The following ZCCHC7 variants were observed in gnomAD, a reference collection of about 807,000 sequenced individuals.
ZCCHC7 encodes the protein zinc finger CCHC-type containing 7, also known as zinc finger CCHC domain-containing protein 7.
Under a neutral mutation model 52.0 loss-of-function variants are expected in ZCCHC7, and 35 were observed. The ratio of observed to expected loss-of-function variants is 0.67; its 90% CI spans 0.51 to 0.89. The LOEUF is 0.89. Among genes scored for constraint, ZCCHC7 ranks in the 40% least tolerant of loss-of-function variants. ZCCHC7 has a pLI of 0.00. For synonymous variants in ZCCHC7, 217 were observed against 221.5 expected (o/e 0.98, Z 0.18); for missense variants, 574 against 649.1 (o/e 0.88, Z 1.26).
intron 2 of ZCCHC7, among the ~76,000 whole-genome samples, chr9:37,255,902 G>A (rs1315595528): frequency 6.6e-6 from 1 of 152,038 alleles, no homozygotes. Context: ...ATTGTCCTGA[G>A]GTCTTTGCAA....
intron 2 of ZCCHC7, among the ~76,000 whole-genome samples, chr9:37,253,086 T>A (rs1826408536): frequency 6.6e-6 from 1 of 152,064 alleles, no homozygotes; most frequent in African/African-American, 2.4e-5. Context: ...CACAAAAAGT[T>A]AATGAATCTG....
chr9:37,154,711 T>C (rs747405120), intron 2 of ZCCHC7, among the ~76,000 whole-genome samples: 3 of 152,012 alleles, frequency 2.0e-5, no homozygotes, highest in Non-Finnish European at 4.4e-5. Flanking sequence ...CCCAGGCTTG[T>C]CTTGAACTCC....
intron 2 of ZCCHC7, among the ~76,000 whole-genome samples, chr9:37,245,483 ATTG>A (rs1158215003): frequency 4.6e-5 from 7 of 152,032 alleles, no homozygotes; most frequent in Non-Finnish European, 1.0e-4. Context: ...CCAACAAACT[ATTG>A]TTGAGCACCT....
chr9:37,177,288 C>A (rs2133024873), intron 2 of ZCCHC7, among the ~76,000 whole-genome samples: 1 of 152,084 alleles, frequency 6.6e-6, no homozygotes, highest in Non-Finnish European at 1.5e-5. Context: ...TGAGCTGAGA[C>A]CACGCCAGTG....
intron 2 of ZCCHC7, among the ~76,000 whole-genome samples, chr9:37,211,619 G>A (rs1482705260): frequency 6.6e-6 from 1 of 152,068 alleles, no homozygotes; most frequent in Non-Finnish European, 1.5e-5. Flanking sequence ...TGTTAATTAT[G>A]TGATATTATT....
chr9:37,168,206 T>C (rs1821533262), intron 2 of ZCCHC7, among the ~76,000 whole-genome samples: 1 of 152,218 alleles, frequency 6.6e-6, no homozygotes, highest in African/African-American at 2.4e-5. Flanking sequence ...TAGATGTCTT[T>C]CATGGATTAT....
chr9:37,201,416 A>G (rs1823624233), intron 2 of ZCCHC7, among the ~76,000 whole-genome samples: 1 of 152,226 alleles, frequency 6.6e-6, no homozygotes, highest in South Asian at 2.1e-4. Context: ...CCATATCTGA[A>G]GAACAGATCC....
intron 2 of ZCCHC7, among the ~76,000 whole-genome samples, chr9:37,250,123 T>C (rs985928729): frequency 6.6e-6 from 1 of 152,186 alleles, no homozygotes; most frequent in South Asian, 2.1e-4. Flanking sequence ...TTGTGAAGAC[T>C]AAGTGAATTA....
intron 2 of ZCCHC7, among the ~76,000 whole-genome samples, chr9:37,287,165 G>A (rs1828293342): frequency 6.8e-6 from 1 of 148,126 alleles, no homozygotes; most frequent in South Asian, 2.2e-4. Context: ...AAGTAGCTAG[G>A]ACTACAGGCA....
intron 2 of ZCCHC7, among the ~76,000 whole-genome samples, chr9:37,185,983 A>G (rs906618535): frequency 6.6e-6 from 1 of 151,968 alleles, no homozygotes; most frequent in Non-Finnish European, 1.5e-5. Flanking sequence ...AGCATCTTAC[A>G]TTATACAGTA....
intron 2 of ZCCHC7, among the ~76,000 whole-genome samples, chr9:37,128,131 G>T (rs1842619850): frequency 6.6e-6 from 1 of 152,222 alleles, no homozygotes; most frequent in South Asian, 2.1e-4. Flanking sequence ...AAAGAAACTT[G>T]TGAAGGAGAG....
At chr9:37,333,911 T>C (rs375275414) in intron 6 of ZCCHC7, 3 of 151,990 alleles carry the variant, frequency 2.0e-5, no homozygotes, top group East Asian at 3.9e-4. Context: ...GGGACAAAAC[T>C]ACGTTTCTTT....
At chr9:37,130,542 G>T (rs1163389549) in intron 2 of ZCCHC7, among the ~76,000 whole-genome samples, 7 of 149,770 alleles carry the variant, frequency 4.7e-5, no homozygotes, top group Non-Finnish European at 1.0e-4. Flanking sequence ...GCCCAGGCTG[G>T]AGTGCAATGG....
intron 2 of ZCCHC7, among the ~76,000 whole-genome samples, chr9:37,178,077 CGTT>C (rs1165133095): frequency 6.6e-6 from 1 of 152,160 alleles, no homozygotes; most frequent in African/African-American, 2.4e-5. Flanking sequence ...CATGAGAACT[CGTT>C]GTACTATCTT....
intron 2 of ZCCHC7, among the ~76,000 whole-genome samples, chr9:37,189,994 C>G (rs1346593799): frequency 6.6e-6 from 1 of 152,294 alleles, no homozygotes; most frequent in Admixed American, 6.5e-5. Context: ...CATAATCTCT[C>G]TGGTACTTTT....
chr9:37,182,656 G>T (rs187586823), intron 2 of ZCCHC7, among the ~76,000 whole-genome samples: 1 of 152,274 alleles, frequency 6.6e-6, no homozygotes, highest in African/African-American at 2.4e-5. Context: ...ATGAGCCACC[G>T]CGCCTGGCCC....
intron 2 of ZCCHC7, among the ~76,000 whole-genome samples, chr9:37,218,872 G>A (rs1824659835): frequency 6.6e-6 from 1 of 151,812 alleles, no homozygotes; most frequent in African/African-American, 2.4e-5. Flanking sequence ...GTGTTAGAGA[G>A]GGGAACGTCT....
intron 2 of ZCCHC7, among the ~76,000 whole-genome samples, chr9:37,297,299 T>C (rs1828833428): frequency 6.6e-6 from 1 of 152,208 alleles, no homozygotes; most frequent in African/African-American, 2.4e-5. Flanking sequence ...TTCTACTATA[T>C]GGTAAATTCT....
rs1821779266 is a variant in ZCCHC7, at chr9:37,357,405, A to G, written c.*137A>G. 8.9e-5 allele frequency: 66 copies of G among 737,990 alleles called. 1 individual carries two copies. The South Asian group carries it at 1.6e-3, about 17-fold the overall frequency. 45.7% of individuals were successfully genotyped at this position (737,990 alleles called of 1,614,324 possible). ...TGTTTTTTTAATTTCAGCCATTCCTAGAGTTACTGAATATCCATGGAGATC... is the reference window on the plus strand; with the variant it reads ...TGTTTTTTTAATTTCAGCCATTCCTGGAGTTACTGAATATCCATGGAGATC... On this transcript the variant is annotated 3_prime_UTR_variant, in exon 9 of 9. Transcript: ENST00000336755.
Sources: gnomAD v4.1 joint callset for allele counts (sites outside exome capture counted in the v4.1 genomes callset) on GRCh38, gnomAD v4.1.1 for gene constraint, MANE v1.5 for transcripts, NCBI Gene and HGNC (gene_info 2026-07-23, HGNC 2026-07-21) for gene names.